The following SORT1 variants were observed in gnomAD, a reference collection of about 807,000 sequenced individuals.
The protein encoded by SORT1 is sortilin.
SORT1 carries 39 observed loss-of-function variants against 101.7 expected under a neutral mutation model. That is an observed-to-expected ratio of 0.38 (90% CI 0.30 to 0.50). The LOEUF is 0.50. Among genes scored for constraint, SORT1 ranks in the 20% least tolerant of loss-of-function variants. SORT1 has a pLI of 0.90. For missense variants in SORT1, 878 were observed against 1,040.4 expected, an observed-to-expected ratio of 0.84 and a Z score of 2.15; for synonymous variants, 396 against 393.7, an observed-to-expected ratio of 1.01 and a Z score of -0.07.
intron 1 of SORT1, among the ~76,000 whole-genome samples, chr1:109,382,924 A>G (rs902536819): frequency 2.6e-5 from 4 of 152,104 alleles, no homozygotes; most frequent in Admixed American, 6.5e-5. Context: ...AATTAGCACA[A>G]TGTTCATTTC....
chr1:109,326,882 C>T, intron 13 of SORT1, 110 bp downstream of exon 13: 1 of 797,652 alleles, frequency 1.3e-6, no homozygotes, highest in Non-Finnish European at 1.9e-6. Context: ...ATAGTTCTGT[C>T]AAATGCAAAA....
At chr1:109,357,403 G>C (rs1402195428) in intron 3 of SORT1, among the ~76,000 whole-genome samples, 1 of 152,262 alleles carries the variant, frequency 6.6e-6, no homozygotes, top group African/African-American at 2.4e-5. Context: ...ACCATGAGCA[G>C]TGTAAGGGGC....
chr1:109,372,363 C>T (rs541037313), intron 1 of SORT1, among the ~76,000 whole-genome samples: 1 of 152,350 alleles, frequency 6.6e-6, no homozygotes. Flanking sequence ...TACATTTCAG[C>T]AGCTAACACA....
intron 5 of SORT1, among the ~76,000 whole-genome samples, chr1:109,353,320 C>T (rs1442487948): frequency 2.4e-4 from 34 of 141,356 alleles, no homozygotes; most frequent in Admixed American, 1.1e-3. Flanking sequence ...AAGAGCAAAA[C>T]TCTGTCTCAA....
chr1:109,380,396 TCTGA>T (rs562826775), intron 1 of SORT1, among the ~76,000 whole-genome samples: 21 of 152,234 alleles, frequency 1.4e-4, no homozygotes, highest in South Asian at 8.3e-4. Context: ...AAGGATTTAC[TCTGA>T]CTATGTAAAA....
intron 11 of SORT1, among the ~76,000 whole-genome samples, chr1:109,329,025 G>T (rs144109208): frequency 0.02 from 3,020 of 152,188 alleles, 49 homozygotes; most frequent in Non-Finnish European, 0.031. Flanking sequence ...CTGCCGCAGA[G>T]GACCCAGCCT....
intron 1 of SORT1, among the ~76,000 whole-genome samples, chr1:109,376,796 C>G (rs901945571): frequency 6.6e-6 from 1 of 152,156 alleles, no homozygotes; most frequent in Non-Finnish European, 1.5e-5. Context: ...TGTTCACTAC[C>G]TGAGTGATGG....
At chr1:109,376,923 A>G (rs80167106) in intron 1 of SORT1, among the ~76,000 whole-genome samples, 1 of 152,334 alleles carries the variant, frequency 6.6e-6, no homozygotes, top group East Asian at 1.9e-4. Flanking sequence ...GTGTTTCTGC[A>G]CTTGTCCATT....
chr1:109,355,345 T>G (rs1650235152), intron 4 of SORT1, 22 bp downstream of exon 4: 1 of 1,197,494 alleles, frequency 8.4e-7, no homozygotes, highest in African/African-American at 1.5e-5. Flanking sequence ...ACAAGCTTTA[T>G]GTATACAAGA....
At chr1:109,395,530 A>G (rs1653141051) in intron 1 of SORT1, among the ~76,000 whole-genome samples, 1 of 152,034 alleles carries the variant, frequency 6.6e-6, no homozygotes, top group African/African-American at 2.4e-5. Context: ...CAAAATAGCT[A>G]TTTTAAATAA....
rs368753097 is a variant in SORT1, at chr1:109,314,221, G to GT, written c.2481+39_2481+40insA. 3.0e-5 allele frequency: 12 copies of GT among 395,814 alleles called. No individual in the cohort carries two copies. In the South Asian group the frequency reaches 6.4e-4, roughly 21 times the overall value. The allele number at this position is 395,814 out of a possible 1,614,324, so 24.5% of individuals were successfully genotyped here. On this transcript the variant is annotated intron_variant, in intron 19 of 19. Transcript: ENST00000256637. ...CAGACTTTATTTTCTTGTATTTTTT[G>GT]GGGGGGGGGGTACTACCATTCAAGA...
At chr1:109,376,890 A>T (rs1280207617) in intron 1 of SORT1, among the ~76,000 whole-genome samples, 1 of 152,184 alleles carries the variant, frequency 6.6e-6, no homozygotes. Flanking sequence ...TGAAAAATGC[A>T]ACTTTCAAAA....
rs752486193 is a variant in SORT1, at chr1:109,327,527, C to A, written c.1446G>T (p.Pro482=). The change falls in exon 12 of 20, where the codon CCG becomes CCT. Residue 482 remains proline, a synonymous_variant. Transcript: ENST00000256637. The stretch of plus-strand genomic sequence containing the variant: ...GAGCAATGACAATGCCTACGGCATT[C>A]GGCTCTGAGAGTGGGGCCATTGGAA... ...LNVPMAPLSE[P]NAVGIVIAHG... The A allele has an allele frequency of 3.7e-6, 6 of 1,610,810 alleles. No homozygotes were observed. The highest frequency in any genetic ancestry group is 3.4e-5 in the Admixed American group (2 of 59,260).
chr1:109,323,140 G>A lies in SORT1; in HGVS notation c.1835-19C>T. 1.2e-6 allele frequency: 2 copies of A among 1,600,102 alleles called. No homozygotes were observed. Among genetic ancestry groups the A allele is most frequent in the Middle Eastern group, 1.7e-4 (1 of 6,026 alleles). On this transcript the variant is annotated intron_variant, in intron 14 of 19. Transcript: ENST00000256637. ...TCTTCACCTAAAGGAGAGACACACTGTTCAGGAAAGTACACAGCACAGAAC... is the reference window on the plus strand; with the variant it reads ...TCTTCACCTAAAGGAGAGACACACTATTCAGGAAAGTACACAGCACAGAAC...
chr1:109,355,153 C>T (rs577022306), intron 4 of SORT1, among the ~76,000 whole-genome samples: 11 of 152,160 alleles, frequency 7.2e-5, no homozygotes, highest in African/African-American at 2.2e-4. Context: ...CCTGGAAGGT[C>T]AAGGCTGCAG....
In SORT1 at chr1:109,310,168, T is replaced by A. The variant is rs951795563; in HGVS notation, c.*3875A>T. ...ACTATACAGTTTATATATGTATATA[T>A]GTACACACACATATATATAAAGGTA... On this transcript the variant is annotated 3_prime_UTR_variant, in exon 20 of 20. Transcript: ENST00000256637. 1 of 152,672 alleles carries A rather than the reference T, an allele frequency of 6.5e-6. No homozygotes were observed. Among genetic ancestry groups the A allele is most frequent in the African/African-American group, 2.4e-5 (1 of 41,450 alleles). The allele number at this position is 152,672 out of a possible 1,614,324, so 9.5% of individuals were successfully genotyped here.
chr1:109,346,692 C>G lies in SORT1; in HGVS notation c.832+791G>C, dbSNP rs562862713. The stretch of plus-strand genomic sequence containing the variant: ...CCCAGGAGGCGGAGCTTGCAGTGAG[C>G]GGAGATGGCGCCACTGCACTCCAGC... On this transcript the variant is annotated intron_variant, in intron 7 of 19. Coordinates refer to ENST00000256637, the MANE Select transcript of SORT1 (RefSeq NM_002959.7). Among the ~76,000 whole-genome samples, 514 of 132,548 alleles carry G rather than the reference C, an allele frequency of 3.9e-3. 2 individuals carry two copies. Among genetic ancestry groups the G allele is most frequent in the African/African-American group, 0.014 (486 of 34,952 alleles). 87.0% of individuals were successfully genotyped at this position (132,548 alleles called of 152,430 possible).
chr1:109,338,102 T>C (rs1476113751), intron 10 of SORT1, among the ~76,000 whole-genome samples: 1 of 152,146 alleles, frequency 6.6e-6, no homozygotes, highest in African/African-American at 2.4e-5. Flanking sequence ...GGATTGATAG[T>C]GTGTGTGTGA....
intron 1 of SORT1, among the ~76,000 whole-genome samples, chr1:109,374,179 A>T (rs1434667029): frequency 6.6e-6 from 1 of 152,226 alleles, no homozygotes; most frequent in African/African-American, 2.4e-5. Context: ...AGAAATAACA[A>T]GATAATTAGT....
Sources: allele counts gnomAD v4.1 joint callset (sites outside exome capture counted in the v4.1 genomes callset), GRCh38; gene constraint gnomAD v4.1.1; transcripts MANE v1.5; gene names NCBI Gene and HGNC (gene_info 2026-07-23, HGNC 2026-07-21).